ACACA: variants seen among roughly 807,000 people sequenced by gnomAD.
ACACA encodes acetyl-CoA carboxylase alpha.
In ACACA, 103 loss-of-function variants were observed where a neutral mutation model predicts 296.1. The observed-to-expected ratio is 0.35, with a 90% CI of 0.30 to 0.41. The LOEUF (loss-of-function observed/expected upper bound fraction) is 0.41, where lower values mean the gene tolerates loss of function less well. Ranked by LOEUF, ACACA falls within the 10% of genes least tolerant of loss-of-function variation. The pLI is 1.00. For synonymous variants in ACACA, 953 were observed against 1,038.6 expected (o/e 0.92, Z 1.58); for missense variants, 1,554 against 2,989.7 (o/e 0.52, Z 11.20).
At chr17:37,291,753 G>A (rs2083079027) in intron 3 of ACACA, among the ~76,000 whole-genome samples, 1 of 151,992 alleles carries the variant, frequency 6.6e-6, no homozygotes, top group Non-Finnish European at 1.5e-5. Flanking sequence ...ATTCTCTCAA[G>A]AACTGAAAGA....
chr17:37,131,448 T>C (rs1298793155), intron 45 of ACACA, among the ~76,000 whole-genome samples: 1 of 152,178 alleles, frequency 6.6e-6, no homozygotes, highest in Non-Finnish European at 1.5e-5. Flanking sequence ...CGGAGAGCTC[T>C]AAACAGTTGT....
chr17:37,353,777 T>G (rs1001825758), intron 1 of ACACA, among the ~76,000 whole-genome samples: 1 of 150,784 alleles, frequency 6.6e-6, no homozygotes, highest in Non-Finnish European at 1.5e-5. Flanking sequence ...TCCCCAAAAC[T>G]GAGTCTGTTT....
chr17:37,336,007 T>C (rs1015586121), intron 2 of ACACA, among the ~76,000 whole-genome samples: 1 of 152,142 alleles, frequency 6.6e-6, no homozygotes, highest in Non-Finnish European at 1.5e-5. Context: ...ATGGATGCCC[T>C]GGATTCTCCC....
At chr17:37,242,339 T>G (rs568096128) in intron 22 of ACACA, among the ~76,000 whole-genome samples, 2 of 152,270 alleles carry the variant, frequency 1.3e-5, no homozygotes, top group South Asian at 4.1e-4. Flanking sequence ...CAAACATCAC[T>G]CCCCACTTAT....
At position 37,191,166 on chromosome 17, in the gene ACACA, T is replaced by G. The variant is rs1409064962; in HGVS notation, c.4526A>C (p.His1509Pro). Residue 1509 changes from histidine (H) to proline (P), a missense_variant, in exon 38 of 56, where the codon CAC becomes CCC. This residue lies in a region of ACACA where 35 missense variants were observed against 131.8 expected (regional missense o/e 0.27). Transcript: ENST00000616317. Reference sequence around the variant, plus strand: ...CGTGGGCACAAAGTTGAGGAAGATGTGGTTACAGTCAGTGCGGACATTTGT... The same window carrying G: ...CGTGGGCACAAAGTTGAGGAAGATGGGGTTACAGTCAGTGCGGACATTTGT... ...NNTNVRTDCNHIFLNFVPTVI... is the reference protein window; with the variant it reads ...NNTNVRTDCNPIFLNFVPTVI... 1 of 1,614,092 alleles carries G rather than the reference T, an allele frequency of 6.2e-7. No homozygotes were observed.
intron 24 of ACACA, among the ~76,000 whole-genome samples, chr17:37,237,110 C>A (rs2145878395): frequency 6.6e-6 from 1 of 152,084 alleles, no homozygotes; most frequent in Non-Finnish European, 1.5e-5. Context: ...GTTTTTGAAC[C>A]TGAAAAAAAT....
chr17:37,174,368 A>G (rs2077027893), intron 41 of ACACA, among the ~76,000 whole-genome samples: 1 of 152,004 alleles, frequency 6.6e-6, no homozygotes, highest in Admixed American at 6.6e-5. Flanking sequence ...TGCCTCAACA[A>G]ACAAGGCCAC....
At chr17:37,266,032 G>A (rs1040159036) in intron 10 of ACACA, among the ~76,000 whole-genome samples, 4 of 152,008 alleles carry the variant, frequency 2.6e-5, no homozygotes, top group African/African-American at 7.3e-5. Flanking sequence ...GGGGTTCACC[G>A]CTCACCCAAA....
At chr17:37,136,902 C>T (rs2075357802) in intron 45 of ACACA, among the ~76,000 whole-genome samples, 1 of 151,098 alleles carries the variant, frequency 6.6e-6, no homozygotes, top group Non-Finnish European at 1.5e-5. Context: ...AAGATTGCAC[C>T]ACTGTACTCC....
chr17:37,226,026 T>C (rs769631520), intron 26 of ACACA, among the ~76,000 whole-genome samples: 4 of 152,154 alleles, frequency 2.6e-5, no homozygotes, highest in Admixed American at 1.3e-4. Flanking sequence ...ACTGAGTCTA[T>C]TTTCTTCCCT....
chr17:37,268,733 C>G (rs924095615), intron 10 of ACACA, among the ~76,000 whole-genome samples: 7 of 70,828 alleles, frequency 9.9e-5, no homozygotes, highest in Admixed American at 8.0e-4. Context: ...ATCTATCTAT[C>G]TATCTATCTA....
rs761233539 is a variant in ACACA at position 37,087,367 on chromosome 17, C to G, written c.7101G>C (p.Gln2367His). 6.2e-7 allele frequency: 1 copy of G among 1,614,052 alleles called. No individual in the cohort carries two copies. The highest frequency in any genetic ancestry group is 2.2e-5 in the East Asian group (1 of 44,876). ...IHMTQHISPT[Q>H]RAEVIRILST... is the part of the protein sequence containing the mutation. ...AGAGGATCCGTATGACTTCTGCTCG[C>G]TGAGTGGGTGATATGTGCTGCGTCA... Residue 2367 changes from glutamine to histidine, a missense_variant, in exon 56 of 56, where the codon CAG becomes CAC. Around this residue, in one of 16 missense-constraint regions of ACACA, gnomAD observed 553 missense variants for 1,043.6 expected, o/e 0.53. Transcript: ENST00000616317.
At chr17:37,244,474 A>G (rs917779101) in intron 21 of ACACA, 114 bp downstream of exon 21, 4 of 1,305,300 alleles carry the variant, frequency 3.1e-6, no homozygotes, top group African/African-American at 1.5e-5. Flanking sequence ...AAAGAGTTCT[A>G]GGCCAAACAG....
chr17:37,279,221 C>T (rs1440261668), intron 5 of ACACA, among the ~76,000 whole-genome samples: 2 of 151,930 alleles, frequency 1.3e-5, no homozygotes, highest in African/African-American at 2.4e-5. Flanking sequence ...AAAAAAATTC[C>T]GCTAGAATTT....
chr17:37,093,369 C>T (rs2072772397), intron 54 of ACACA, among the ~76,000 whole-genome samples: 1 of 152,126 alleles, frequency 6.6e-6, no homozygotes, highest in South Asian at 2.1e-4. Context: ...GGAGTCAGCC[C>T]CCTTTCCGCC....
intron 48 of ACACA, 144 bp from the exon 49 acceptor site, chr17:37,122,771 A>C (rs1186861495): frequency 2.7e-6 from 2 of 741,224 alleles, no homozygotes; most frequent in African/African-American, 3.4e-5. Flanking sequence ...TCTATGAGTT[A>C]AATGTGAGAC....
intron 38 of ACACA, among the ~76,000 whole-genome samples, chr17:37,189,640 G>A (rs773518821): frequency 3.3e-5 from 5 of 152,022 alleles, no homozygotes; most frequent in African/African-American, 4.8e-5. Context: ...CAGAGAAAAG[G>A]TAAGCCAAAT....
chr17:37,169,631 C>A (rs181023416), intron 41 of ACACA, among the ~76,000 whole-genome samples: 14 of 152,114 alleles, frequency 9.2e-5, no homozygotes, highest in East Asian at 3.9e-4. Context: ...GATTTCATAT[C>A]GAAAATTCTA....
chr17:37,153,110 C>A (rs1433040701), intron 43 of ACACA, among the ~76,000 whole-genome samples: 1 of 152,146 alleles, frequency 6.6e-6, no homozygotes, highest in African/African-American at 2.4e-5. Flanking sequence ...TGTTTGTGTG[C>A]CTGTTTGTAT....
Sources: allele counts gnomAD v4.1 joint callset (sites outside exome capture counted in the v4.1 genomes callset), GRCh38; gene constraint gnomAD v4.1.1; regional missense constraint gnomAD v4.1.1; transcripts MANE v1.5; gene names NCBI Gene and HGNC (gene_info 2026-07-23, HGNC 2026-07-21).